ZNF804B: variants seen among roughly 807,000 people sequenced by gnomAD.
ZNF804B encodes the protein zinc finger protein 804B, also known as zinc finger 804B.
In ZNF804B, 80 loss-of-function variants were observed where a neutral mutation model predicts 101.4. The ratio of observed to expected loss-of-function variants is 0.79; its 90% CI spans 0.66 to 0.95. The LOEUF (loss-of-function observed/expected upper bound fraction) is 0.95. Ranked by LOEUF, ZNF804B falls within the 40% of genes least tolerant of loss-of-function variation. The pLI is 0.00. For missense variants in ZNF804B, 1,673 were observed against 1,561.9 expected, an observed-to-expected ratio of 1.07 and a Z score of -1.20; for synonymous variants, 622 against 558.8, an observed-to-expected ratio of 1.11 and a Z score of -1.59.
chr7:88,817,909 A>C (rs550402664), intron 1 of ZNF804B, among the ~76,000 whole-genome samples: 7 of 152,144 alleles, frequency 4.6e-5, no homozygotes, highest in Non-Finnish European at 1.0e-4. Flanking sequence ...CCTCCTCTTT[A>C]TAGATTTTTG....
chr7:88,862,094 G>A (rs1526253), intron 1 of ZNF804B, among the ~76,000 whole-genome samples: 7 of 152,176 alleles, frequency 4.6e-5, no homozygotes, highest in Middle Eastern at 3.4e-3. Flanking sequence ...ACTAAATAAC[G>A]TACTCAGTTT....
chr7:89,254,623 A>T (rs1789596023), intron 2 of ZNF804B, among the ~76,000 whole-genome samples: 1 of 150,338 alleles, frequency 6.7e-6, no homozygotes, highest in Admixed American at 6.6e-5. Context: ...CAGCCAGGAC[A>T]CTATTTATTT....
intron 1 of ZNF804B, among the ~76,000 whole-genome samples, chr7:89,090,775 T>G (rs530742446): frequency 6.6e-6 from 1 of 152,064 alleles, no homozygotes; most frequent in African/African-American, 2.4e-5. Flanking sequence ...TCTTTAAAGA[T>G]TTTTAATTTG....
At chr7:89,150,341 A>G (rs1469309598) in intron 1 of ZNF804B, among the ~76,000 whole-genome samples, 1 of 152,014 alleles carries the variant, frequency 6.6e-6, no homozygotes, top group Non-Finnish European at 1.5e-5. Context: ...CCCACTAGAA[A>G]ACCTGATGCT....
chr7:88,958,935 C>A (rs1009666251), intron 1 of ZNF804B, among the ~76,000 whole-genome samples: 10 of 151,406 alleles, frequency 6.6e-5, no homozygotes, highest in African/African-American at 2.4e-4. Flanking sequence ...CCAACTAAAT[C>A]TCCGAAAGTG....
rs539465324 is a variant in ZNF804B at position 89,139,962 on chromosome 7, T to C, written c.109-78193T>C. Among the ~76,000 whole-genome samples the C allele has an allele frequency of 3.9e-5, 6 of 152,214 alleles. No homozygotes were observed. The East Asian group carries it at 9.7e-4, about 25-fold the overall frequency. ...CATCCATCAGAGGAATGACTATCTG[T>C]AGCAACTATAGCCTTACAAAATGTC... On this transcript the variant is annotated intron_variant, in intron 1 of 3. Transcript: ENST00000333190.
chr7:89,162,236 T>TA (rs1791077523), intron 1 of ZNF804B, among the ~76,000 whole-genome samples: 1 of 152,162 alleles, frequency 6.6e-6, no homozygotes, highest in Non-Finnish European at 1.5e-5. Context: ...TTACTTTTTT[T>TA]AAAAACATTC....
intron 1 of ZNF804B, among the ~76,000 whole-genome samples, chr7:88,866,766 G>A (rs1791732939): frequency 6.6e-6 from 1 of 152,064 alleles, no homozygotes; most frequent in Non-Finnish European, 1.5e-5. Context: ...TAATCTACAA[G>A]GTTTAGGGTG....
chr7:88,962,548 T>C (rs1239871520), intron 1 of ZNF804B, among the ~76,000 whole-genome samples: 1 of 150,728 alleles, frequency 6.6e-6, no homozygotes, highest in Non-Finnish European at 1.5e-5. Flanking sequence ...TCTCCATGAA[T>C]GTCTTGCTTA....
intron 1 of ZNF804B, among the ~76,000 whole-genome samples, chr7:89,213,342 A>T (rs1788833902): frequency 1.3e-5 from 2 of 152,222 alleles, no homozygotes; most frequent in African/African-American, 4.8e-5. Context: ...TAGAATTCTT[A>T]AAGCAATCTC....
intron 1 of ZNF804B, among the ~76,000 whole-genome samples, chr7:89,094,551 A>C (rs1267456128): frequency 6.6e-6 from 1 of 152,148 alleles, no homozygotes; most frequent in Non-Finnish European, 1.5e-5. Context: ...CTTTTTTAAA[A>C]AAAAATCCTG....
chr7:89,126,390 T>C (rs1790474529), intron 1 of ZNF804B, among the ~76,000 whole-genome samples: 1 of 151,902 alleles, frequency 6.6e-6, no homozygotes, highest in Admixed American at 6.6e-5. Flanking sequence ...TACTGGGAAG[T>C]GAAGCTAACA....
At chr7:89,172,475 C>T (rs562057097) in intron 1 of ZNF804B, among the ~76,000 whole-genome samples, 1 of 152,252 alleles carries the variant, frequency 6.6e-6, no homozygotes, top group East Asian at 1.9e-4. Flanking sequence ...TTACCATACT[C>T]CTTGTTGATT....
intron 1 of ZNF804B, among the ~76,000 whole-genome samples, chr7:89,176,499 A>T (rs1791320061): frequency 4.6e-5 from 7 of 151,266 alleles, no homozygotes; most frequent in Admixed American, 3.9e-4. Context: ...ATTTTTAAAA[A>T]ATATTTTTTT....
chr7:88,875,733 A>G (rs1179775443), intron 1 of ZNF804B, among the ~76,000 whole-genome samples: 4 of 152,162 alleles, frequency 2.6e-5, no homozygotes, highest in Non-Finnish European at 5.9e-5. Flanking sequence ...CCAGAGGTAC[A>G]AGGAGGAACT....
intron 1 of ZNF804B, among the ~76,000 whole-genome samples, chr7:88,872,695 C>A (rs982348855): frequency 2.6e-5 from 4 of 151,628 alleles, no homozygotes; most frequent in African/African-American, 9.7e-5. Context: ...GTTCAATTCC[C>A]ACCTATGAGT....
At chr7:88,854,414 C>CCTTCCTTTCTTTCTTCCTTTCTTT (rs1232481883) in intron 1 of ZNF804B, among the ~76,000 whole-genome samples, 2 of 57,114 alleles carry the variant, frequency 3.5e-5, no homozygotes, top group African/African-American at 1.3e-4. Flanking sequence ...TTTCTTTCTT[C>CCTTCCTTTCTTTCTTCCTTTCTTT]CTTTCTTTCT....
chr7:89,142,939 A>C (rs905550970), intron 1 of ZNF804B, among the ~76,000 whole-genome samples: 4 of 151,958 alleles, frequency 2.6e-5, no homozygotes. Flanking sequence ...AGTTTATTGA[A>C]GCACTGTAAT....
chr7:89,252,825 T>C (rs1045915869), intron 2 of ZNF804B, among the ~76,000 whole-genome samples: 6 of 152,112 alleles, frequency 3.9e-5, no homozygotes, highest in African/African-American at 1.4e-4. Context: ...AATTGGGAGC[T>C]AAATACTAGT....
Sources: allele counts gnomAD v4.1 joint callset (sites outside exome capture counted in the v4.1 genomes callset), GRCh38; gene constraint gnomAD v4.1.1; transcripts MANE v1.5; gene names NCBI Gene and HGNC (gene_info 2026-07-23, HGNC 2026-07-21).